AEBP2: variants seen among roughly 807,000 people sequenced by gnomAD.
AEBP2 encodes AE binding protein 2, also known as zinc finger protein AEBP2.
AEBP2 carries 10 observed loss-of-function variants against 50.8 expected under a neutral mutation model. The observed-to-expected ratio is 0.20, with a 90% CI of 0.12 to 0.33. AEBP2 has a LOEUF of 0.33. AEBP2 is among the 10% of genes least tolerant of loss of function. The pLI is 1.00. For synonymous variants in AEBP2, 296 were observed against 261.3 expected, an observed-to-expected ratio of 1.13 and a Z score of -1.28; for missense variants, 570 against 688.0, an observed-to-expected ratio of 0.83 and a Z score of 1.92.
intron 7 of AEBP2, 65 bp from the exon 8 acceptor site, chr12:19,518,022 C>A: frequency 6.9e-7 from 1 of 1,438,990 alleles, no homozygotes; most frequent in Non-Finnish European, 9.4e-7. Context: ...TTTTTAATGT[C>A]TCTTGAAGCA....
chr12:19,457,389 A>C (rs1410064046), intron 1 of AEBP2: 1 of 1,436,890 alleles, frequency 7.0e-7, no homozygotes. Context: ...AATGATAGTC[A>C]CGTAGCACTT....
chr12:19,496,201 G>A (rs557096008), intron 4 of AEBP2, among the ~76,000 whole-genome samples: 1 of 152,112 alleles, frequency 6.6e-6, no homozygotes, highest in Non-Finnish European at 1.5e-5. Flanking sequence ...TAAATACCCA[G>A]TTCTTGCTTA....
At chr12:19,511,994 C>A (rs1457049228) in intron 5 of AEBP2, among the ~76,000 whole-genome samples, 1 of 151,956 alleles carries the variant, frequency 6.6e-6, no homozygotes, top group Admixed American at 6.6e-5. Context: ...CTATCTCTTC[C>A]AGGGTATGAA....
intron 6 of AEBP2, among the ~76,000 whole-genome samples, chr12:19,514,427 A>G (rs553236745): frequency 6.6e-6 from 1 of 152,330 alleles, no homozygotes; most frequent in South Asian, 2.1e-4. Flanking sequence ...TTGATAAGAT[A>G]TTGCCACTGA....
chr12:19,509,419 T>A (rs1473904112), intron 5 of AEBP2, among the ~76,000 whole-genome samples: 1 of 152,182 alleles, frequency 6.6e-6, no homozygotes, highest in Non-Finnish European at 1.5e-5. Flanking sequence ...AAAGCTTCTT[T>A]AATTCACATA....
rs75497050 is a variant in AEBP2, at chr12:19,508,249, C to T, written c.1300-4149C>T. Among the ~76,000 whole-genome samples, 870 of 152,118 alleles carry T rather than the reference C, an allele frequency of 5.7e-3. 6 individuals carry two copies. Among genetic ancestry groups the T allele is most frequent in the Middle Eastern group, 0.02 (6 of 294 alleles). ...TATTTTAAAAAATAAAAACTAGAAACGGGGATTCACCATGTTGTCCAGGCT... is the reference window on the plus strand; with the variant it reads ...TATTTTAAAAAATAAAAACTAGAAATGGGGATTCACCATGTTGTCCAGGCT... On this transcript the variant is annotated intron_variant, in intron 5 of 7. Coordinates refer to ENST00000266508, the MANE Select transcript of AEBP2 (RefSeq NM_153207.5).
At chr12:19,514,829 T>G (rs767899585) in intron 7 of AEBP2, 45 bp downstream of exon 7, 1 of 1,449,190 alleles carries the variant, frequency 6.9e-7, no homozygotes, top group East Asian at 2.4e-5. Flanking sequence ...GATTTGTAAT[T>G]TTCTCTCCCC....
At position 19,518,214 on chromosome 12, in the gene AEBP2, C is replaced by T; in HGVS notation, c.*97C>T. The T allele has an allele frequency of 7.5e-7, 1 of 1,335,006 alleles. No individual in the cohort carries two copies. The highest frequency in any genetic ancestry group is 9.6e-7 in the Non-Finnish European group (1 of 1,044,946). The allele number at this position is 1,335,006 out of a possible 1,614,324, so 82.7% of individuals were successfully genotyped here. ...GGAAAGTTGCACATTAGAGTCAACC[C>T]CTTCTTTTTTTTTTTTTTTTTTTTA... is the stretch of plus-strand genomic sequence containing the variant. On this transcript the variant is annotated 3_prime_UTR_variant, in exon 8 of 8. Transcript: ENST00000266508.
At chr12:19,465,269 C>T (rs572110188) in intron 2 of AEBP2, among the ~76,000 whole-genome samples, 1 of 152,070 alleles carries the variant, frequency 6.6e-6, no homozygotes, top group East Asian at 1.9e-4. Context: ...TTGCGTCCCC[C>T]TGTAGTCCCA....
chr12:19,419,316 G>A (rs981858217), intron 1 of AEBP2, among the ~76,000 whole-genome samples: 3 of 152,122 alleles, frequency 2.0e-5, no homozygotes, highest in African/African-American at 7.2e-5. Context: ...TAGGCCGGGT[G>A]CGGTGGCTCA....
At chr12:19,426,215 A>G (rs1256642418) in intron 1 of AEBP2, among the ~76,000 whole-genome samples, 8 of 152,126 alleles carry the variant, frequency 5.3e-5, no homozygotes, top group Admixed American at 5.2e-4. Context: ...GATTACAGGC[A>G]TGAGCCACCG....
At chr12:19,452,193 A>G (rs1180577681) in intron 1 of AEBP2, among the ~76,000 whole-genome samples, 1 of 152,170 alleles carries the variant, frequency 6.6e-6, no homozygotes, top group East Asian at 1.9e-4. Context: ...GAGTTTCACC[A>G]TATTACACAG....
Position 19,439,990 on chromosome 12 carries a change from A to AGACGAGGAGGAGGACGAC in AEBP2, c.294_311dup (p.Asp98_Asp103dup), listed in dbSNP as rs776123281. 20 of 1,522,580 alleles carry AGACGAGGAGGAGGACGAC rather than the reference A, an allele frequency of 1.3e-5. No homozygotes were observed. Among genetic ancestry groups the AGACGAGGAGGAGGACGAC allele is most frequent in the Middle Eastern group, 1.8e-4 (1 of 5,466 alleles). 94.3% of individuals were successfully genotyped at this position (1,522,580 alleles called of 1,614,324 possible). Reference sequence around the variant, plus strand: ...GCGCCAGCCAGGCCGGGGAGGACGAAGACGAGGAGGAGGACGACGAGGAGG... The same window carrying AGACGAGGAGGAGGACGAC: ...GCGCCAGCCAGGCCGGGGAGGACGAAGACGAGGAGGAGGACGACGACGAGGAGGAGGACGACGAGGAGG... On this transcript the variant is annotated inframe_insertion, in exon 1 of 8. Transcript: ENST00000266508.
At chr12:19,462,908 AT>A (rs1158449659) in intron 2 of AEBP2, among the ~76,000 whole-genome samples, 191 bp downstream of exon 2, 2 of 152,048 alleles carry the variant, frequency 1.3e-5, no homozygotes, top group African/African-American at 4.8e-5. Context: ...TATGTGCTGG[AT>A]TTTAGTTTGT....
At chr12:19,459,527 G>A (rs577620114) in intron 1 of AEBP2, among the ~76,000 whole-genome samples, 2 of 152,232 alleles carry the variant, frequency 1.3e-5, no homozygotes, top group South Asian at 2.1e-4. Context: ...CACCGCGCCC[G>A]GCCGGGGGAA....
At chr12:19,421,513 T>C (rs535294727) in intron 1 of AEBP2, among the ~76,000 whole-genome samples, 48 of 151,856 alleles carry the variant, frequency 3.2e-4, no homozygotes, top group Admixed American at 7.2e-4. Flanking sequence ...TCCCAGCTAT[T>C]TGGGAGGCTG....
In AEBP2 at chr12:19,519,329, C is replaced by T. The variant is rs1265199998; in HGVS notation, c.*1212C>T. 1 of 152,482 alleles carries T rather than the reference C, an allele frequency of 6.6e-6. No homozygotes were observed. The highest frequency in any genetic ancestry group is 1.5e-5 in the Non-Finnish European group (1 of 67,964). 9.4% of individuals were successfully genotyped at this position (152,482 alleles called of 1,614,324 possible). ...TAATATTGAAGGATATTGTACTTCA[C>T]TAGTGCTGCCAGAGGAATTGTTAAT... On this transcript the variant is annotated 3_prime_UTR_variant, in exon 8 of 8. Transcript: ENST00000266508.
At chr12:19,450,966 T>G (rs1948157919) in intron 1 of AEBP2, among the ~76,000 whole-genome samples, 1 of 140,720 alleles carries the variant, frequency 7.1e-6, no homozygotes. Flanking sequence ...GTTTCTCCTT[T>G]GAATATATAG....
At chr12:19,479,382 A>G (rs1053835771) in intron 3 of AEBP2, among the ~76,000 whole-genome samples, 56 of 152,302 alleles carry the variant, frequency 3.7e-4, no homozygotes, top group African/African-American at 1.3e-3. Context: ...CTTGAGGGGA[A>G]TAACTGAGGA....
Sources: allele counts gnomAD v4.1 joint callset (sites outside exome capture counted in the v4.1 genomes callset), GRCh38; gene constraint gnomAD v4.1.1; transcripts MANE v1.5; gene names NCBI Gene and HGNC (gene_info 2026-07-23, HGNC 2026-07-21).